The following PPP1R7 variants were observed in gnomAD, a reference collection of about 807,000 sequenced individuals.
PPP1R7 encodes protein phosphatase 1 regulatory subunit 22.
In PPP1R7, 18 loss-of-function variants were observed where a neutral mutation model predicts 45.2. That is an observed-to-expected ratio of 0.40 (90% CI 0.28 to 0.59). PPP1R7 has a LOEUF of 0.59. Among genes scored for constraint, PPP1R7 ranks in the 20% least tolerant of loss-of-function variants. The pLI, the probability that PPP1R7 is intolerant of heterozygous loss-of-function variation, is 0.46. For missense variants in PPP1R7, 314 were observed against 455.8 expected (o/e 0.69, Z 2.83); for synonymous variants, 181 against 183.4 (o/e 0.99, Z 0.11).
In PPP1R7 at chr2:241,163,299, C is replaced by G; in HGVS notation, c.612C>G (p.Ile204Met). The G allele has an allele frequency of 6.2e-7, 1 of 1,611,992 alleles. No individual in the cohort carries two copies. The highest frequency in any genetic ancestry group is 8.5e-7 in the Non-Finnish European group (1 of 1,178,132). The change falls in exon 7 of 10, where the codon ATC (isoleucine) becomes ATG (methionine). Residue 204 changes from isoleucine to methionine, a missense_variant. Coordinates refer to ENST00000234038, the MANE Select transcript of PPP1R7 (RefSeq NM_002712.3). The part of the protein sequence containing the change: ...GSNRIRAIEN[I>M]DTLTNLESLF... Reference sequence around the variant, plus strand: ...CCTTTCCACAGGCAATCGAAAATATCGACACCTTAACCAACCTGGAGAGTT... The same window carrying G: ...CCTTTCCACAGGCAATCGAAAATATGGACACCTTAACCAACCTGGAGAGTT...
intron 9 of PPP1R7, among the ~76,000 whole-genome samples, chr2:241,173,775 T>G (rs539198763): frequency 6.6e-6 from 1 of 152,372 alleles, no homozygotes; most frequent in Non-Finnish European, 1.5e-5. Context: ...CTTGCTGTGC[T>G]TGTTTGTATA....
intron 9 of PPP1R7, among the ~76,000 whole-genome samples, chr2:241,174,246 T>C (rs2067870536): frequency 6.6e-6 from 1 of 152,180 alleles, no homozygotes; most frequent in Admixed American, 6.5e-5. Context: ...ATTTAAGTTC[T>C]CTCCACTGTG....
At chr2:241,182,002 C>CA (rs60709076) in intron 9 of PPP1R7, among the ~76,000 whole-genome samples, 17,534 of 137,880 alleles carry the variant, frequency 0.13, 2,809 homozygotes, top group African/African-American at 0.38. Flanking sequence ...GACTCTGTCT[C>CA]AAAAAAAAAA....
At chr2:241,152,031 T>G (rs528997378) in intron 1 of PPP1R7, among the ~76,000 whole-genome samples, 1 of 152,338 alleles carries the variant, frequency 6.6e-6, no homozygotes, top group African/African-American at 2.4e-5. Context: ...ACTCCTCCTC[T>G]TACTGGGGTT....
chr2:241,178,434 C>T (rs2067943384), intron 9 of PPP1R7, among the ~76,000 whole-genome samples: 1 of 147,754 alleles, frequency 6.8e-6, no homozygotes, highest in South Asian at 2.2e-4. Context: ...GTTGCAGATA[C>T]TTTACTTTGT....
intron 9 of PPP1R7, among the ~76,000 whole-genome samples, chr2:241,170,827 T>A (rs1279747222): frequency 6.6e-6 from 1 of 152,164 alleles, no homozygotes; most frequent in Non-Finnish European, 1.5e-5. Flanking sequence ...TACCAGAGCA[T>A]GTCTGGGAAG....
intron 7 of PPP1R7, among the ~76,000 whole-genome samples, chr2:241,164,981 G>A (rs1000007756): frequency 2.0e-5 from 3 of 152,064 alleles, no homozygotes; most frequent in African/African-American, 7.2e-5. Flanking sequence ...CCAGGAGGAG[G>A]ACATTGCAGT....
At chr2:241,160,523 T>C in intron 6 of PPP1R7, 29 bp downstream of exon 6, 2 of 1,538,708 alleles carry the variant, frequency 1.3e-6, no homozygotes, top group South Asian at 2.5e-5. Context: ...GACTAGTATA[T>C]TCAGGGAGAG....
At chr2:241,154,678 C>T (rs950479788) in intron 2 of PPP1R7, among the ~76,000 whole-genome samples, 28 of 151,822 alleles carry the variant, frequency 1.8e-4, no homozygotes, top group Admixed American at 4.6e-4. Context: ...GCACTCCAGC[C>T]GGGGTCAGAA....
chr2:241,160,648 G>GA (rs1164143559), intron 6 of PPP1R7, among the ~76,000 whole-genome samples, 154 bp downstream of exon 6: 3 of 152,064 alleles, frequency 2.0e-5, no homozygotes, highest in African/African-American at 7.2e-5. Flanking sequence ...ATTTTTTTAA[G>GA]AAAAAATGCT....
intron 7 of PPP1R7, among the ~76,000 whole-genome samples, chr2:241,164,298 T>G (rs1181936394): frequency 1.3e-5 from 2 of 152,196 alleles, no homozygotes; most frequent in Non-Finnish European, 2.9e-5. Context: ...AAGGTGGAGC[T>G]TATTCTAAAT....
chr2:241,178,050 A>G (rs1423984891), intron 9 of PPP1R7, among the ~76,000 whole-genome samples: 1 of 152,230 alleles, frequency 6.6e-6, no homozygotes, highest in Admixed American at 6.5e-5. Context: ...TCCTGTAGGC[A>G]GCGCCCTGCA....
intron 9 of PPP1R7, among the ~76,000 whole-genome samples, chr2:241,181,087 A>G (rs906996330): frequency 6.6e-6 from 1 of 152,074 alleles, no homozygotes; most frequent in African/African-American, 2.4e-5. Flanking sequence ...AATCCCAGCT[A>G]CTTGGGAGGC....
chr2:241,167,044 G>A (rs1218806022), intron 8 of PPP1R7: 11 of 1,612,116 alleles, frequency 6.8e-6, no homozygotes, highest in Non-Finnish European at 9.3e-6. Flanking sequence ...TTCTCACTCA[G>A]GTGCAGGACA....
upstream of PPP1R7, chr2:241,150,440 C>T: frequency 1.3e-6 from 2 of 1,496,722 alleles, no homozygotes; most frequent in East Asian, 2.8e-5. Flanking sequence ...GGCGGGAGCC[C>T]TGATTGGCTG....
chr2:241,172,718 G>C (rs980276042), intron 9 of PPP1R7, among the ~76,000 whole-genome samples: 1 of 150,712 alleles, frequency 6.6e-6, no homozygotes. Context: ...TTATTCTTTC[G>C]TGTGGATCTG....
At position 241,159,350 on chromosome 2, in the gene PPP1R7, C is replaced by A; in HGVS notation, c.434+7C>A. On this transcript the variant is annotated splice_region_variant and intron_variant, in intron 5 of 9. Coordinates refer to ENST00000234038, the MANE Select transcript of PPP1R7 (RefSeq NM_002712.3). ...AGGCGCTAACAGAGCTGGAGTGAGTCATGAGACCCACAGGAGAACAGCATG... is the reference window on the plus strand; with the variant it reads ...AGGCGCTAACAGAGCTGGAGTGAGTAATGAGACCCACAGGAGAACAGCATG... The A allele has an allele frequency of 1.9e-6, 3 of 1,611,876 alleles. No homozygotes were observed. The South Asian group carries it at 3.3e-5, about 18-fold the overall frequency.
chr2:241,160,246 G>C lies in PPP1R7; in HGVS notation c.435-86G>C, dbSNP rs2067554608. 1.4e-5 allele frequency: 16 copies of C among 1,163,478 alleles called. No individual in the cohort carries two copies. The South Asian group carries it at 1.8e-4, about 13-fold the overall frequency. The allele number at this position is 1,163,478 out of a possible 1,614,324, so 72.1% of individuals were successfully genotyped here. ...GTAGTGACTGCCGTCCCCTGATGGG[G>C]ACGCCACCTTTAGTGGTTAAATTGT... On this transcript the variant is annotated intron_variant, in intron 5 of 9. Transcript: ENST00000234038.
intron 8 of PPP1R7, among the ~76,000 whole-genome samples, chr2:241,168,539 G>T (rs1356062431): frequency 6.6e-6 from 1 of 152,236 alleles, no homozygotes; most frequent in Admixed American, 6.5e-5. Context: ...TTTTCCTGCA[G>T]TCCTTTTTGC....
Sources: gnomAD v4.1 joint callset for allele counts (sites outside exome capture counted in the v4.1 genomes callset) on GRCh38, gnomAD v4.1.1 for gene constraint, MANE v1.5 for transcripts, NCBI Gene and HGNC (gene_info 2026-07-23, HGNC 2026-07-21) for gene names.